TTC28: variants seen among roughly 807,000 people sequenced by gnomAD.
TTC28 encodes tetratricopeptide repeat domain 28.
A neutral mutation model predicts 198.0 loss-of-function variants in TTC28; 61 were observed. The ratio of observed to expected loss-of-function variants is 0.31; its 90% confidence interval spans 0.25 to 0.38. The LOEUF (loss-of-function observed/expected upper bound fraction) is 0.38. Ranked by LOEUF, TTC28 falls within the 10% of genes least tolerant of loss-of-function variation. The probability of loss-of-function intolerance (pLI) is 1.00; values close to 1 mark genes in which losing one functional copy is unlikely to be tolerated. For synonymous variants in TTC28, 1,171 were observed against 1,297.8 expected (o/e 0.90, Z 2.10); for missense variants, 2,678 against 3,164.0 (o/e 0.85, Z 3.69).
At chr22:28,585,957 C>A (rs1026742477) in intron 2 of TTC28, among the ~76,000 whole-genome samples, 1 of 151,540 alleles carries the variant, frequency 6.6e-6, no homozygotes, top group African/African-American at 2.4e-5. Context: ...GCACATGTAT[C>A]CCTGAACTTA....
chr22:28,612,443 C>A (rs1293297088), intron 2 of TTC28, among the ~76,000 whole-genome samples: 1 of 152,170 alleles, frequency 6.6e-6, no homozygotes, highest in Non-Finnish European at 1.5e-5. Flanking sequence ...CAAGCATATT[C>A]AGGACTTGAA....
At chr22:28,094,355 T>C (rs968096996) in intron 11 of TTC28, 110 bp from the exon 12 acceptor site, 1 of 1,218,330 alleles carries the variant, frequency 8.2e-7, no homozygotes, top group African/African-American at 1.5e-5. Context: ...TTGACAAGCA[T>C]GCCATCCTGC....
chr22:28,589,485 C>T (rs2050384353), intron 2 of TTC28, among the ~76,000 whole-genome samples: 1 of 152,146 alleles, frequency 6.6e-6, no homozygotes, highest in Non-Finnish European at 1.5e-5. Context: ...TAAAAGGACC[C>T]ATCTGCTTTT....
intron 12 of TTC28, among the ~76,000 whole-genome samples, chr22:28,035,863 A>T (rs1939319621): frequency 6.6e-6 from 1 of 152,210 alleles, no homozygotes; most frequent in Admixed American, 6.5e-5. Context: ...CAGACTTTAA[A>T]CCAACAAAGA....
chr22:28,338,832 C>A (rs1487983359), intron 2 of TTC28, among the ~76,000 whole-genome samples: 1 of 152,174 alleles, frequency 6.6e-6, no homozygotes, highest in Non-Finnish European at 1.5e-5. Context: ...GTCTTCTTCT[C>A]TCAACTCGTC....
At chr22:28,317,716 A>C (rs542496538) in intron 2 of TTC28, among the ~76,000 whole-genome samples, 2 of 152,298 alleles carry the variant, frequency 1.3e-5, no homozygotes, top group South Asian at 4.2e-4. Context: ...TCTCCAGCCA[A>C]AAGGTAGGAC....
At chr22:28,203,986 T>C (rs1435975716) in intron 5 of TTC28, among the ~76,000 whole-genome samples, 1 of 152,182 alleles carries the variant, frequency 6.6e-6, no homozygotes, top group African/African-American at 2.4e-5. Flanking sequence ...GTTAATACCT[T>C]GATCCCACTC....
At position 28,016,883 on chromosome 22, in the gene TTC28, A is replaced by G. The variant is rs549663677; in HGVS notation, c.4074-2491T>C. On this transcript the variant is annotated intron_variant, in intron 13 of 22. Transcript: ENST00000397906. ...CTGACCCCTCCCTGAGGAGCACAAG[A>G]TGTCAGGTTGGGCAGTCCCTGGAGG... Among the ~76,000 whole-genome samples, 20 of 152,262 alleles carry G rather than the reference A, an allele frequency of 1.3e-4. No homozygotes were observed. In the South Asian group the frequency reaches 3.9e-3, roughly 30 times the overall value.
At chr22:28,152,298 A>C (rs1381428401) in intron 6 of TTC28, among the ~76,000 whole-genome samples, 4 of 152,192 alleles carry the variant, frequency 2.6e-5, no homozygotes, top group Non-Finnish European at 5.9e-5. Context: ...CCACTGCTTC[A>C]GGGTGGCCCA....
intron 2 of TTC28, among the ~76,000 whole-genome samples, chr22:28,486,182 T>G (rs1014710542): frequency 6.6e-6 from 1 of 152,118 alleles, no homozygotes; most frequent in Non-Finnish European, 1.5e-5. Context: ...ATACTAAAAT[T>G]ACAAATACAT....
intron 2 of TTC28, among the ~76,000 whole-genome samples, chr22:28,501,930 T>G (rs1432021845): frequency 2.0e-5 from 3 of 152,172 alleles, no homozygotes; most frequent in East Asian, 1.9e-4. Flanking sequence ...TAAATGCCAT[T>G]AAGTTTGAGG....
At chr22:28,011,986 C>CAA (rs1938183392) in intron 14 of TTC28, among the ~76,000 whole-genome samples, 1 of 152,138 alleles carries the variant, frequency 6.6e-6, no homozygotes, top group Non-Finnish European at 1.5e-5. Context: ...GGGAGACAGG[C>CAA]AAAGGCCTCA....
intron 6 of TTC28, among the ~76,000 whole-genome samples, chr22:28,148,290 A>G (rs1943518611): frequency 6.6e-6 from 1 of 152,330 alleles, no homozygotes; most frequent in African/African-American, 2.4e-5. Context: ...CAAGTTCATT[A>G]TATTTCTGGT....
At chr22:28,150,458 T>C (rs1943579719) in intron 6 of TTC28, among the ~76,000 whole-genome samples, 1 of 152,232 alleles carries the variant, frequency 6.6e-6, no homozygotes, top group South Asian at 2.1e-4. Flanking sequence ...TTTCTGCTGT[T>C]ATTTTGATTT....
chr22:28,660,268 A>C (rs1025398006), intron 1 of TTC28, among the ~76,000 whole-genome samples: 6 of 152,204 alleles, frequency 3.9e-5, no homozygotes, highest in African/African-American at 1.4e-4. Context: ...TCAATAACCA[A>C]GGAATATACA....
intron 2 of TTC28, among the ~76,000 whole-genome samples, chr22:28,366,092 T>G (rs1189369573): frequency 6.6e-6 from 1 of 152,228 alleles, no homozygotes. Context: ...CTTTCTTTCT[T>G]ACATGTATGC....
At chr22:28,030,179 G>C in intron 13 of TTC28, 47 bp downstream of exon 13, 2 of 1,547,154 alleles carry the variant, frequency 1.3e-6, no homozygotes, top group Non-Finnish European at 1.7e-6. Context: ...TCTGTGCTCA[G>C]AGCACCCTGC....
chr22:28,043,250 AAAAAAAAAAAAAAAAAAAAG>A (rs968285063), intron 12 of TTC28, among the ~76,000 whole-genome samples: 4 of 140,758 alleles, frequency 2.8e-5, no homozygotes, highest in African/African-American at 1.1e-4. Context: ...CTCAAAAAAA[AAAAAAAAAAAAAAAAAAAAG>A]AAAAGATATT....
Position 28,084,788 on chromosome 22 carries a change from A to G in TTC28, c.3932+9292T>C, listed in dbSNP as rs576196120. ...AAAAAAATTAGACGAATGGATAACT[A>G]GAATAATCAATGCAGAGAAGTCCTC... On this transcript the variant is annotated intron_variant, in intron 12 of 22. Coordinates refer to ENST00000397906, the MANE Select transcript of TTC28 (RefSeq NM_001145418.2). Among the ~76,000 whole-genome samples, 19 of 152,314 alleles carry G rather than the reference A, an allele frequency of 1.2e-4. No individual in the cohort carries two copies. The East Asian group carries it at 3.1e-3, about 25-fold the overall frequency.
Sources: allele counts gnomAD v4.1 joint callset (sites outside exome capture counted in the v4.1 genomes callset), GRCh38; gene constraint gnomAD v4.1.1; transcripts MANE v1.5; gene names NCBI Gene and HGNC (gene_info 2026-07-23, HGNC 2026-07-21).